FOXP1: variants seen among roughly 807,000 people sequenced by gnomAD.
FOXP1 encodes the protein forkhead box protein P1.
Under a neutral mutation model 98.2 loss-of-function variants are expected in FOXP1, and 15 were observed. The observed-to-expected ratio is 0.15, with a 90% CI of 0.10 to 0.24. FOXP1 has a LOEUF of 0.24. FOXP1 is among the 10% of genes least tolerant of loss of function. The pLI is 1.00. For missense variants in FOXP1, 633 were observed against 848.5 expected (o/e 0.75, Z 3.15); for synonymous variants, 371 against 314.5 (o/e 1.18, Z -1.90).
At chr3:71,372,719 A>G (rs2079431457) in intron 3 of FOXP1, among the ~76,000 whole-genome samples, 1 of 152,212 alleles carries the variant, frequency 6.6e-6, no homozygotes, top group Admixed American at 6.5e-5. Flanking sequence ...CATTGAATAA[A>G]AAGCTAAGAA....
chr3:71,041,337 T>C lies in FOXP1; in HGVS notation c.860A>G (p.Lys287Arg). 1 of 1,613,512 alleles carries C rather than the reference T, an allele frequency of 6.2e-7. No individual in the cohort carries two copies. ...TNGQLSVHTP[K>R]RESLSHEEHP... is the part of the protein sequence containing the mutation. Reference sequence around the variant, plus strand: ...AGTGGCTGGTTCCTACCTTTCCCTTTTGGGAGTGTGGACTGAGAGCTGTCC... The same window carrying C: ...AGTGGCTGGTTCCTACCTTTCCCTTCTGGGAGTGTGGACTGAGAGCTGTCC... The change falls in exon 11 of 21, where the codon AAA (lysine) becomes AGA (arginine). Residue 287 changes from lysine to arginine, a missense_variant. By Grantham distance (26) the Lys-to-Arg change is conservative (BLOSUM62 2). This residue lies in a region of FOXP1 where 210 missense variants were observed against 270.6 expected (regional missense o/e 0.78). Coordinates refer to ENST00000649528, the MANE Select transcript of FOXP1 (RefSeq NM_001349338.3).
At chr3:71,085,735 C>CTTT (rs56318177) in intron 7 of FOXP1, among the ~76,000 whole-genome samples, 804 of 37,046 alleles carry the variant, frequency 0.022, 245 homozygotes, top group African/African-American at 0.071. Context: ...CATTTATGGC[C>CTTT]TTTTTTTTTT....
At chr3:71,228,981 TGATGTCTCA>T (rs1560150511) in intron 5 of FOXP1, among the ~76,000 whole-genome samples, 1 of 145,670 alleles carries the variant, frequency 6.9e-6, no homozygotes, top group African/African-American at 2.5e-5. Context: ...TTTTTTTTTT[TGATGTCTCA>T]TTTTTTAAAG....
intron 6 of FOXP1, among the ~76,000 whole-genome samples, chr3:71,149,636 A>G (rs1374928773): frequency 1.3e-5 from 2 of 152,234 alleles, no homozygotes; most frequent in African/African-American, 2.4e-5. Flanking sequence ...GCTATTAAAA[A>G]AAGACAGATA....
At chr3:71,306,224 T>A (rs1283970238) in intron 4 of FOXP1, among the ~76,000 whole-genome samples, 1 of 151,884 alleles carries the variant, frequency 6.6e-6, no homozygotes, top group Admixed American at 6.6e-5. Flanking sequence ...TAAACAGGAG[T>A]CAGTTAAATG....
At chr3:71,142,578 T>G (rs2060122002) in intron 6 of FOXP1, among the ~76,000 whole-genome samples, 1 of 152,222 alleles carries the variant, frequency 6.6e-6, no homozygotes, top group South Asian at 2.1e-4. Flanking sequence ...AGACTCTAGA[T>G]GCTGAGAGCA....
intron 2 of FOXP1, chr3:71,571,819 A>G (rs939336288): frequency 3.3e-5 from 5 of 152,254 alleles, no homozygotes; most frequent in Non-Finnish European, 7.3e-5. Flanking sequence ...CACTGATTTC[A>G]TCTAGTCTCG....
intron 7 of FOXP1, among the ~76,000 whole-genome samples, chr3:71,082,833 T>C (rs1400721615): frequency 6.6e-6 from 1 of 152,170 alleles, no homozygotes; most frequent in African/African-American, 2.4e-5. Context: ...ATTGTCCAAA[T>C]CTAGGAAGTG....
chr3:71,275,420 C>T (rs1189499551), intron 5 of FOXP1, among the ~76,000 whole-genome samples: 2 of 152,228 alleles, frequency 1.3e-5, no homozygotes, highest in Admixed American at 6.5e-5. Context: ...AAGTAACAGT[C>T]GCTTTTCCTT....
In FOXP1 at chr3:71,528,484, A is replaced by C. The variant is rs573732639; in HGVS notation, c.-297-34929T>G. Among the ~76,000 whole-genome samples, 4 of 152,332 alleles carry C rather than the reference A, an allele frequency of 2.6e-5. No homozygotes were observed. The East Asian group carries it at 5.8e-4, about 22-fold the overall frequency. On this transcript the variant is annotated intron_variant, in intron 2 of 20. Coordinates refer to ENST00000649528, the MANE Select transcript of FOXP1 (RefSeq NM_001349338.3). The stretch of plus-strand genomic sequence containing the variant: ...AGCAAACTCAAAGAAATAATAAATA[A>C]TGTTTGACCTTCTAATGTCCTCAAA...
chr3:71,200,807 G>A (rs1194599903), intron 5 of FOXP1, among the ~76,000 whole-genome samples: 1 of 152,168 alleles, frequency 6.6e-6, no homozygotes, highest in African/African-American at 2.4e-5. Flanking sequence ...AGAGGACATT[G>A]TTTTCTTGCT....
At chr3:71,392,177 T>C (rs926837025) in intron 3 of FOXP1, among the ~76,000 whole-genome samples, 3 of 152,230 alleles carry the variant, frequency 2.0e-5, no homozygotes, top group Admixed American at 6.5e-5. Context: ...TAGTCCTTTA[T>C]AAAACTCAAC....
rs555695538 is a variant in FOXP1, at chr3:71,130,738, C to T, written c.181-18101G>A. 7.6e-5 allele frequency: 112 copies of T among 1,479,928 alleles called. No homozygotes were observed. In the South Asian group the frequency reaches 1.5e-3, roughly 20 times the overall value. The allele number at this position is 1,479,928 out of a possible 1,614,324, so 91.7% of individuals were successfully genotyped here. A position where few individuals can be genotyped will look rare whatever the true frequency, so the allele number is the denominator to read the frequency against. ...TGCCTCCACAGTAGCTGGCTGGGCT[C>T]TCACTAAATGACAAAGAAACCACAA... is the stretch of plus-strand genomic sequence containing the variant. On this transcript the variant is annotated intron_variant, in intron 6 of 20. Coordinates refer to ENST00000649528, the MANE Select transcript of FOXP1 (RefSeq NM_001349338.3).
intron 12 of FOXP1, among the ~76,000 whole-genome samples, chr3:71,002,979 T>C (rs1454918597): frequency 1.3e-5 from 2 of 152,178 alleles, no homozygotes; most frequent in African/African-American, 2.4e-5. Flanking sequence ...CCCTGAGTGT[T>C]GAGGGACTTT....
chr3:71,064,420 G>T (rs1576534161), intron 7 of FOXP1, among the ~76,000 whole-genome samples: 1 of 152,158 alleles, frequency 6.6e-6, no homozygotes, highest in East Asian at 1.9e-4. Context: ...GTGGCTGCGT[G>T]AAGGCCAGAC....
intron 7 of FOXP1, among the ~76,000 whole-genome samples, chr3:71,055,411 T>G (rs1435775541): frequency 1.3e-5 from 2 of 152,202 alleles, no homozygotes; most frequent in Non-Finnish European, 2.9e-5. Context: ...TCCAGTGGCC[T>G]TTTAAGTGTA....
intron 2 of FOXP1, among the ~76,000 whole-genome samples, chr3:71,543,725 G>A (rs1168188084): frequency 6.6e-6 from 1 of 152,244 alleles, no homozygotes. Context: ...CAGAAAGCCT[G>A]AGAGCTGCAG....
chr3:71,334,850 G>C (rs1203715777), intron 4 of FOXP1: 1 of 152,196 alleles, frequency 6.6e-6, no homozygotes, highest in Non-Finnish European at 1.5e-5. Flanking sequence ...TGAAGAACTG[G>C]TACTGAGCAC....
intron 3 of FOXP1, among the ~76,000 whole-genome samples, chr3:71,463,379 A>T (rs934853156): frequency 7.0e-6 from 1 of 142,922 alleles, no homozygotes; most frequent in Admixed American, 7.0e-5. Context: ...AAAAAAAAAA[A>T]ACTCACCAAG....
Sources: allele counts gnomAD v4.1 joint callset (sites outside exome capture counted in the v4.1 genomes callset), GRCh38; gene constraint gnomAD v4.1.1; regional missense constraint gnomAD v4.1.1; transcripts MANE v1.5; gene names NCBI Gene and HGNC (gene_info 2026-07-23, HGNC 2026-07-21).